The following GRID2 variants were observed in gnomAD, a reference collection of about 807,000 sequenced individuals.
GRID2 encodes the protein glutamate receptor ionotropic, delta-2.
In GRID2, 33 loss-of-function variants were observed where a neutral mutation model predicts 114.8. The ratio of observed to expected loss-of-function variants is 0.29; its 90% CI spans 0.22 to 0.38. The LOEUF (loss-of-function observed/expected upper bound fraction) is 0.38, where lower values mean the gene tolerates loss of function less well. GRID2 is among the 10% of genes least tolerant of loss of function. GRID2 has a pLI of 1.00. For synonymous variants in GRID2, 505 were observed against 449.9 expected, an observed-to-expected ratio of 1.12 and a Z score of -1.55; for missense variants, 1,184 against 1,257.7, an observed-to-expected ratio of 0.94 and a Z score of 0.89.
intron 2 of GRID2, among the ~76,000 whole-genome samples, chr4:92,938,317 C>T (rs1181322994): frequency 1.4e-5 from 2 of 146,406 alleles, no homozygotes; most frequent in East Asian, 2.2e-4. Context: ...CATAAATCTT[C>T]TTTATGGCCC....
chr4:92,604,951 G>A (rs971873199), intron 2 of GRID2, among the ~76,000 whole-genome samples: 3 of 151,506 alleles, frequency 2.0e-5, no homozygotes, highest in African/African-American at 7.3e-5. Flanking sequence ...TTTCCCCCAC[G>A]CTGTTCTCCT....
chr4:92,737,075 G>A (rs2149328525), intron 2 of GRID2, among the ~76,000 whole-genome samples: 1 of 152,102 alleles, frequency 6.6e-6, no homozygotes, highest in Admixed American at 6.6e-5. Flanking sequence ...TTAGTTGGCA[G>A]AAAGCAAACA....
intron 2 of GRID2, among the ~76,000 whole-genome samples, chr4:93,011,598 T>C (rs760455258): frequency 4.2e-4 from 64 of 152,230 alleles, no homozygotes; most frequent in South Asian, 1.4e-3. Context: ...TTAAAAGCTG[T>C]GTGTCAGGAA....
intron 8 of GRID2, chr4:93,318,778 C>T (rs1208767926): frequency 6.6e-6 from 1 of 152,160 alleles, no homozygotes; most frequent in South Asian, 2.1e-4. Flanking sequence ...TGCCATATCT[C>T]CTCCTTCTGC....
intron 2 of GRID2, among the ~76,000 whole-genome samples, chr4:93,043,185 A>C (rs1021673090): frequency 1.2e-4 from 18 of 152,180 alleles, no homozygotes; most frequent in Non-Finnish European, 5.9e-5. Context: ...TTATGGATTT[A>C]GCAATTAAGT....
At chr4:92,722,888 T>TATGAG (rs35698891) in intron 2 of GRID2, among the ~76,000 whole-genome samples, 2 of 151,544 alleles carry the variant, frequency 1.3e-5, no homozygotes, top group East Asian at 2.0e-4. Context: ...TTTATAATAA[T>TATGAG]AATAGAAAAG....
At chr4:92,729,984 G>A (rs1736256057) in intron 2 of GRID2, among the ~76,000 whole-genome samples, 1 of 151,898 alleles carries the variant, frequency 6.6e-6, no homozygotes, top group African/African-American at 2.4e-5. Flanking sequence ...GAAATATAAT[G>A]AGGAATTATA....
At chr4:93,441,224 A>G (rs547872975) in intron 10 of GRID2, among the ~76,000 whole-genome samples, 3 of 152,180 alleles carry the variant, frequency 2.0e-5, no homozygotes, top group African/African-American at 7.2e-5. Flanking sequence ...ATCCAAGCAT[A>G]TAAGAGGTTA....
At chr4:92,768,461 A>C (rs569019298) in intron 2 of GRID2, among the ~76,000 whole-genome samples, 1 of 152,302 alleles carries the variant, frequency 6.6e-6, no homozygotes, top group South Asian at 2.1e-4. Context: ...TTACTGAAAT[A>C]TGTTGTGCAA....
intron 1 of GRID2, among the ~76,000 whole-genome samples, chr4:92,542,634 G>A (rs1039817188): frequency 2.0e-5 from 3 of 151,508 alleles, no homozygotes; most frequent in African/African-American, 7.3e-5. Flanking sequence ...TCGGTGGGAG[G>A]GTGGAAGGGA....
intron 1 of GRID2, among the ~76,000 whole-genome samples, chr4:92,447,494 C>T (rs1447768689): frequency 6.6e-6 from 1 of 152,182 alleles, no homozygotes; most frequent in African/African-American, 2.4e-5. Flanking sequence ...TTGCCTTTTC[C>T]ACCAGCCCAC....
At chr4:93,716,971 A>T (rs1242770054) in intron 14 of GRID2, among the ~76,000 whole-genome samples, 1 of 152,174 alleles carries the variant, frequency 6.6e-6, no homozygotes, top group Non-Finnish European at 1.5e-5. Context: ...ATATTTAAAA[A>T]GTATGCAGTG....
At chr4:93,142,758 C>G (rs1335919610) in intron 4 of GRID2, among the ~76,000 whole-genome samples, 5 of 152,180 alleles carry the variant, frequency 3.3e-5, no homozygotes, top group East Asian at 1.9e-4. Flanking sequence ...CGTGAGGTTT[C>G]TAAACAACGA....
intron 8 of GRID2, among the ~76,000 whole-genome samples, chr4:93,297,240 G>A (rs1256890990): frequency 2.6e-5 from 4 of 152,168 alleles, no homozygotes; most frequent in Non-Finnish European, 5.9e-5. Flanking sequence ...CGTGATACAT[G>A]TGTAGGTGCT....
At chr4:93,798,408 C>G (rs1734851391) in intron 1 of GRID2, among the ~76,000 whole-genome samples, 1 of 151,970 alleles carries the variant, frequency 6.6e-6, no homozygotes, top group African/African-American at 2.4e-5. Context: ...AAGTGTGGAC[C>G]CATGTCCTTA....
intron 2 of GRID2, among the ~76,000 whole-genome samples, chr4:92,805,643 A>C (rs1227368690): frequency 6.6e-6 from 1 of 151,942 alleles, no homozygotes; most frequent in African/African-American, 2.4e-5. Context: ...GTTTAAAGGA[A>C]GATGATTTGC....
intron 2 of GRID2, among the ~76,000 whole-genome samples, chr4:92,631,876 T>G (rs1021924305): frequency 9.9e-5 from 15 of 152,122 alleles, no homozygotes; most frequent in African/African-American, 3.1e-4. Context: ...CAATGAACGT[T>G]TTAATAGCTT....
chr4:93,371,623 G>A (rs1762920569), intron 8 of GRID2, among the ~76,000 whole-genome samples: 1 of 151,190 alleles, frequency 6.6e-6, no homozygotes, highest in South Asian at 2.1e-4. Context: ...GCAAAATAAT[G>A]TTACAATTCA....
intron 2 of GRID2, among the ~76,000 whole-genome samples, chr4:92,889,454 A>G (rs1746593895): frequency 6.6e-6 from 1 of 152,170 alleles, no homozygotes; most frequent in African/African-American, 2.4e-5. Context: ...TGCAAAAATC[A>G]CAGGCATTCC....
Sources: gnomAD v4.1 joint callset for allele counts (sites outside exome capture counted in the v4.1 genomes callset) on GRCh38, gnomAD v4.1.1 for gene constraint, MANE v1.5 for transcripts, NCBI Gene and HGNC (gene_info 2026-07-23, HGNC 2026-07-21) for gene names.